The following KCNMB2 variants were observed in gnomAD, a reference collection of about 807,000 sequenced individuals.
The protein encoded by KCNMB2 is calcium-activated potassium channel subunit beta-2.
A neutral mutation model predicts 24.5 loss-of-function variants in KCNMB2; 9 were observed. That is an observed-to-expected ratio of 0.37 (90% CI 0.22 to 0.64). The LOEUF is 0.64. KCNMB2 is among the 30% of genes least tolerant of loss of function. KCNMB2 has a pLI of 0.63. For missense variants in KCNMB2, 226 were observed against 284.3 expected (o/e 0.79, Z 1.47); for synonymous variants, 109 against 104.4 (o/e 1.04, Z -0.27).
At chr3:178,829,919 G>A (rs1237997859) in intron 4 of KCNMB2, among the ~76,000 whole-genome samples, 1 of 152,030 alleles carries the variant, frequency 6.6e-6, no homozygotes, top group Non-Finnish European at 1.5e-5. Flanking sequence ...ATAACATACA[G>A]AACTGTGCAT....
intron 1 of KCNMB2, among the ~76,000 whole-genome samples, chr3:178,609,799 G>A (rs1177245947): frequency 6.6e-6 from 1 of 151,986 alleles, no homozygotes; most frequent in Non-Finnish European, 1.5e-5. Flanking sequence ...ACCATGCCCA[G>A]CTAATTTTCA....
In KCNMB2 at chr3:178,603,915, G is replaced by C. The variant is rs1718182941; in HGVS notation, c.-68+67204G>C. ...CACATATACTGGTCTAAAAGGAAGA[G>C]TATCAGTGACACAGTTCAAAGCCCT... On this transcript the variant is annotated intron_variant, in intron 1 of 4. Transcript: ENST00000452583. 1.3e-5 allele frequency among the ~76,000 whole-genome samples: 2 copies of C among 152,150 alleles called. 1 individual carries two copies. The highest frequency in any genetic ancestry group is 4.1e-4 in the South Asian group (2 of 4,820).
chr3:178,791,363 C>G (rs1203361866), intron 1 of KCNMB2, among the ~76,000 whole-genome samples: 1 of 152,178 alleles, frequency 6.6e-6, no homozygotes, highest in Admixed American at 6.5e-5. Flanking sequence ...AGTCTTCCAA[C>G]AGCTGAACTA....
chr3:178,587,343 CAG>C (rs949463271), intron 1 of KCNMB2, among the ~76,000 whole-genome samples: 64 of 152,256 alleles, frequency 4.2e-4, no homozygotes, highest in African/African-American at 1.4e-3. Context: ...TGTTGGGAAA[CAG>C]AGGGTGGAAG....
chr3:178,614,291 A>ATG (rs1560131710), intron 1 of KCNMB2, among the ~76,000 whole-genome samples: 23 of 104,238 alleles, frequency 2.2e-4, no homozygotes, highest in African/African-American at 8.7e-4. Flanking sequence ...ATATATATAT[A>ATG]TATATGTATG....
chr3:178,819,949 G>A (rs1261289414), intron 2 of KCNMB2, among the ~76,000 whole-genome samples: 2 of 152,022 alleles, frequency 1.3e-5, no homozygotes, highest in Non-Finnish European at 2.9e-5. Flanking sequence ...TTTACAAAGA[G>A]ACTAAGCCTC....
chr3:178,753,072 T>C (rs2108391290), intron 1 of KCNMB2, among the ~76,000 whole-genome samples: 2 of 152,336 alleles, frequency 1.3e-5, no homozygotes, highest in South Asian at 2.1e-4. Context: ...TCTGATCAGG[T>C]GCTTGCTCTC....
intron 1 of KCNMB2, among the ~76,000 whole-genome samples, chr3:178,541,495 T>G (rs1576998695): frequency 6.6e-6 from 1 of 152,222 alleles, no homozygotes; most frequent in Non-Finnish European, 1.5e-5. Flanking sequence ...TCATTTACAC[T>G]TTCAAAATCA....
chr3:178,827,322 T>C (rs748823336), intron 3 of KCNMB2, among the ~76,000 whole-genome samples: 1 of 152,178 alleles, frequency 6.6e-6, no homozygotes, highest in South Asian at 2.1e-4. Context: ...CATCCATTAG[T>C]CTGCATAAAA....
At chr3:178,586,163 G>C (rs1433941199) in intron 1 of KCNMB2, among the ~76,000 whole-genome samples, 1 of 152,178 alleles carries the variant, frequency 6.6e-6, no homozygotes, top group African/African-American at 2.4e-5. Flanking sequence ...AGGGGATTTT[G>C]TGGAGGGAAT....
At chr3:178,818,826 G>A (rs562519660) in intron 2 of KCNMB2, among the ~76,000 whole-genome samples, 110 of 152,016 alleles carry the variant, frequency 7.2e-4, no homozygotes, top group African/African-American at 2.5e-3. Flanking sequence ...TTTCTCTGGT[G>A]CCTGCCTATC....
At chr3:178,574,282 A>C (rs1047270167) in intron 1 of KCNMB2, among the ~76,000 whole-genome samples, 8 of 152,212 alleles carry the variant, frequency 5.3e-5, no homozygotes, top group African/African-American at 1.9e-4. Context: ...TGCACTGAAC[A>C]CACAGGCAGC....
intron 1 of KCNMB2, among the ~76,000 whole-genome samples, chr3:178,734,704 C>G (rs1723262078): frequency 6.6e-6 from 1 of 152,162 alleles, no homozygotes; most frequent in African/African-American, 2.4e-5. Context: ...AAATTTGGAG[C>G]CAGATTCCAG....
rs561316478 is a variant in KCNMB2, at chr3:178,550,150, G to A, written c.-68+13439G>A. ...AGATTCTTTGTCTAATATTTCCTTT[G>A]TTAAAAAATGATTTGCCCGGCCAGG... On this transcript the variant is annotated intron_variant, in intron 1 of 4. Coordinates refer to ENST00000452583, the MANE Select transcript of KCNMB2 (RefSeq NM_181361.3). Among the ~76,000 whole-genome samples, 3 of 152,050 alleles carry A rather than the reference G, an allele frequency of 2.0e-5. No individual in the cohort carries two copies. The South Asian group carries it at 6.2e-4, about 32-fold the overall frequency.
At chr3:178,697,887 C>T (rs764389090) in intron 1 of KCNMB2, among the ~76,000 whole-genome samples, 13 of 103,952 alleles carry the variant, frequency 1.3e-4, no homozygotes, top group Non-Finnish European at 2.1e-4. Flanking sequence ...ATATGAAATT[C>T]TGGGTTAAAA....
chr3:178,615,726 C>G (rs907964751), intron 1 of KCNMB2, among the ~76,000 whole-genome samples: 5 of 152,214 alleles, frequency 3.3e-5, no homozygotes, highest in African/African-American at 1.2e-4. Context: ...GAGTAAAATC[C>G]TGGAACTGGG....
intron 3 of KCNMB2, among the ~76,000 whole-genome samples, chr3:178,827,817 G>A (rs1469265585): frequency 6.6e-6 from 1 of 152,182 alleles, no homozygotes; most frequent in Admixed American, 6.5e-5. Flanking sequence ...AGGGGCTGGA[G>A]CATGTCAAGA....
intron 1 of KCNMB2, among the ~76,000 whole-genome samples, chr3:178,738,801 G>A (rs1199353310): frequency 1.3e-5 from 2 of 152,098 alleles, no homozygotes; most frequent in African/African-American, 4.8e-5. Flanking sequence ...CCTGAGGGCG[G>A]AAACTTTGTC....
chr3:178,542,211 C>A (rs1715643463), intron 1 of KCNMB2, among the ~76,000 whole-genome samples: 1 of 152,112 alleles, frequency 6.6e-6, no homozygotes, highest in South Asian at 2.1e-4. Context: ...CCTTTTGCAG[C>A]ACCGAAACTT....
Sources: allele counts gnomAD v4.1 joint callset (sites outside exome capture counted in the v4.1 genomes callset), GRCh38; gene constraint gnomAD v4.1.1; transcripts MANE v1.5; gene names NCBI Gene and HGNC (gene_info 2026-07-23, HGNC 2026-07-21).